Variants in LRBA observed in about 807,000 individuals in gnomAD.
The protein encoded by LRBA is LPS responsive beige-like anchor protein, also known as lipopolysaccharide-responsive and beige-like anchor protein.
A neutral mutation model predicts 330.0 loss-of-function variants in LRBA; 176 were observed. The observed-to-expected ratio is 0.53, with a 90% confidence interval of 0.47 to 0.60. LRBA has a LOEUF of 0.60. Ranked by LOEUF, LRBA falls within the 20% of genes least tolerant of loss-of-function variation. LRBA has a pLI of 0.00. For missense variants in LRBA, 3,259 were observed against 3,444.8 expected, an observed-to-expected ratio of 0.95 and a Z score of 1.35; for synonymous variants, 1,230 against 1,193.0, an observed-to-expected ratio of 1.03 and a Z score of -0.64.
intron 47 of LRBA, among the ~76,000 whole-genome samples, chr4:150,386,660 T>A (rs1743111546): frequency 6.6e-6 from 1 of 152,176 alleles, no homozygotes; most frequent in South Asian, 2.1e-4. Context: ...CTTTATCCAG[T>A]CTATCAGTGA....
At chr4:150,466,931 A>G (rs1289281076) in intron 44 of LRBA, among the ~76,000 whole-genome samples, 3 of 152,138 alleles carry the variant, frequency 2.0e-5, no homozygotes, top group Non-Finnish European at 4.4e-5. Flanking sequence ...TGTGATCTCC[A>G]GATATTAATT....
intron 40 of LRBA, among the ~76,000 whole-genome samples, chr4:150,534,605 C>T (rs1020015044): frequency 1.3e-5 from 2 of 151,892 alleles, no homozygotes; most frequent in African/African-American, 2.4e-5. Flanking sequence ...ATAGCCTAAA[C>T]GTTTTTAGAT....
chr4:150,844,966 C>T (rs1749636891), intron 26 of LRBA, among the ~76,000 whole-genome samples, 187 bp from the exon 27 acceptor site: 1 of 152,134 alleles, frequency 6.6e-6, no homozygotes, highest in Admixed American at 6.5e-5. Context: ...TGTTAGCTTC[C>T]ATGCTGTGGC....
chr4:150,497,794 A>G (rs756306629), intron 40 of LRBA, among the ~76,000 whole-genome samples: 24 of 152,296 alleles, frequency 1.6e-4, no homozygotes, highest in Middle Eastern at 6.8e-3. Context: ...CTACAAACAC[A>G]CACACTCTTA....
intron 5 of LRBA, among the ~76,000 whole-genome samples, chr4:150,918,789 A>G (rs563451396): frequency 5.3e-5 from 8 of 152,284 alleles, no homozygotes; most frequent in African/African-American, 1.4e-4. Flanking sequence ...CATCTTAGCA[A>G]GGATGTAGAG....
intron 44 of LRBA, among the ~76,000 whole-genome samples, chr4:150,439,782 C>A (rs1479057116): frequency 6.6e-6 from 1 of 152,148 alleles, no homozygotes; most frequent in Non-Finnish European, 1.5e-5. Flanking sequence ...GCTTCCTCAG[C>A]AGCTTCATAA....
At position 150,850,880 on chromosome 4, in the gene LRBA, G is replaced by A; in HGVS notation, c.3848C>T (p.Pro1283Leu). 2.5e-6 allele frequency: 4 copies of A among 1,609,744 alleles called. No individual in the cohort carries two copies. The highest frequency in any genetic ancestry group is 3.4e-6 in the Non-Finnish European group (4 of 1,178,608). Residue 1283 changes from proline to leucine, a missense_variant, in exon 24 of 57, where the codon CCA (proline) becomes CTA (leucine). Physicochemically the swap from Pro to Leu is moderately conservative, Grantham distance 98. Coordinates refer to ENST00000651943, the MANE Select transcript of LRBA (RefSeq NM_001364905.1). ...VLEISRQHEQPGQGIAPDAVN... is the reference protein window; with the variant it reads ...VLEISRQHEQLGQGIAPDAVN... ...TGCATCTGGTGCTATTCCTTGCCCTGGCTGCTCATGTTGCCTTGATATCTA... is the reference window on the plus strand; with the variant it reads ...TGCATCTGGTGCTATTCCTTGCCCTAGCTGCTCATGTTGCCTTGATATCTA...
At chr4:150,420,235 C>A (rs1748450000) in intron 46 of LRBA, among the ~76,000 whole-genome samples, 2 of 143,180 alleles carry the variant, frequency 1.4e-5, no homozygotes, top group Admixed American at 7.1e-5. Context: ...GACCCTGTCT[C>A]AAAAAAAATA....
chr4:150,963,234 G>C (rs888727478), intron 2 of LRBA, among the ~76,000 whole-genome samples: 6 of 147,920 alleles, frequency 4.1e-5, no homozygotes, highest in Non-Finnish European at 8.8e-5. Flanking sequence ...CTCTGATGCC[G>C]AGCCGAGGCT....
intron 34 of LRBA, among the ~76,000 whole-genome samples, chr4:150,774,007 G>A (rs775553545): frequency 2.0e-5 from 3 of 152,156 alleles, no homozygotes; most frequent in African/African-American, 7.2e-5. Flanking sequence ...GAAGAGTGAG[G>A]AAAAGATTAA....
At chr4:150,574,525 C>T (rs1770286655) in intron 40 of LRBA, among the ~76,000 whole-genome samples, 1 of 151,958 alleles carries the variant, frequency 6.6e-6, no homozygotes, top group South Asian at 2.1e-4. Context: ...ATCAAAGTCA[C>T]CCAGGTAACC....
At chr4:150,311,702 T>C (rs542565570) in intron 51 of LRBA, among the ~76,000 whole-genome samples, 1 of 152,290 alleles carries the variant, frequency 6.6e-6, no homozygotes, top group East Asian at 1.9e-4. Flanking sequence ...CTTCATATGC[T>C]TTTGGAGGAT....
chr4:150,600,677 T>C (rs1561408775), intron 37 of LRBA, among the ~76,000 whole-genome samples: 1 of 152,130 alleles, frequency 6.6e-6, no homozygotes, highest in Non-Finnish European at 1.5e-5. Flanking sequence ...GCTATTATTA[T>C]ATATTTCTTC....
At chr4:150,814,264 T>C (rs538756422) in intron 31 of LRBA, among the ~76,000 whole-genome samples, 6 of 152,058 alleles carry the variant, frequency 3.9e-5, no homozygotes, top group Admixed American at 3.3e-4. Context: ...GTTAAAAAAA[T>C]ACTGACAAGG....
At position 150,278,062 on chromosome 4, in the gene LRBA, C is replaced by T. The variant is rs1747034069; in HGVS notation, c.8317-58G>A. On this transcript the variant is annotated intron_variant, in intron 55 of 56. Transcript: ENST00000651943. ...GGTTCTAGGAAACTTTCGGCCCCCA[C>T]CCTGTTTTTGAGTCATTCTTACACC... 7 of 1,538,032 alleles carry T rather than the reference C, an allele frequency of 4.6e-6. No homozygotes were observed. In the East Asian group the frequency reaches 1.1e-4, roughly 25 times the overall value.
At chr4:150,695,953 C>T (rs773476192) in intron 36 of LRBA, among the ~76,000 whole-genome samples, 6 of 152,264 alleles carry the variant, frequency 3.9e-5, no homozygotes, top group Middle Eastern at 3.4e-3. Flanking sequence ...CAAGGCCAGA[C>T]ATGGTGGCTC....
At chr4:150,505,410 C>T (rs1433706977) in intron 40 of LRBA, among the ~76,000 whole-genome samples, 1 of 152,152 alleles carries the variant, frequency 6.6e-6, no homozygotes, top group Admixed American at 6.5e-5. Context: ...CAAACTAGAA[C>T]TCAGGATTAA....
chr4:150,387,797 GTAAGT>G (rs1048393024), intron 47 of LRBA, among the ~76,000 whole-genome samples: 3 of 152,118 alleles, frequency 2.0e-5, no homozygotes, highest in African/African-American at 7.2e-5. Flanking sequence ...TATAAAAAGA[GTAAGT>G]TAAGAAGCAG....
intron 47 of LRBA, among the ~76,000 whole-genome samples, chr4:150,390,784 C>T (rs1743800817): frequency 6.6e-6 from 1 of 152,100 alleles, no homozygotes; most frequent in South Asian, 2.1e-4. Flanking sequence ...CAAAGGATGA[C>T]ACAGAAAATT....
Sources: gnomAD v4.1 joint callset for allele counts (sites outside exome capture counted in the v4.1 genomes callset) on GRCh38, gnomAD v4.1.1 for gene constraint, MANE v1.5 for transcripts, NCBI Gene and HGNC (gene_info 2026-07-23, HGNC 2026-07-21) for gene names.